ANAPC5: variants seen among roughly 807,000 people sequenced by gnomAD.
ANAPC5 encodes the protein anaphase promoting complex subunit 5.
Under a neutral mutation model 91.3 loss-of-function variants are expected in ANAPC5, and 60 were observed. The observed-to-expected ratio is 0.66, with a 90% CI of 0.53 to 0.81. The LOEUF is 0.81. ANAPC5 is among the 40% of genes least tolerant of loss of function. The probability of loss-of-function intolerance (pLI) is 0.00; values close to 1 mark genes in which losing one functional copy is unlikely to be tolerated. For synonymous variants in ANAPC5, 340 were observed against 364.1 expected, an observed-to-expected ratio of 0.93 and a Z score of 0.75; for missense variants, 690 against 931.5, an observed-to-expected ratio of 0.74 and a Z score of 3.37.
chr12:121,312,833 C>G (rs1902222198), intron 15 of ANAPC5, among the ~76,000 whole-genome samples: 2 of 148,530 alleles, frequency 1.3e-5, no homozygotes, highest in African/African-American at 5.0e-5. Flanking sequence ...TGAGCCAAGA[C>G]TGTGCCACTG....
intron 11 of ANAPC5, among the ~76,000 whole-genome samples, chr12:121,323,278 C>T (rs1902690242): frequency 6.6e-6 from 1 of 151,926 alleles, no homozygotes. Context: ...GCCATGCTTT[C>T]TGTGAATGTA....
chr12:121,312,879 C>CAA (rs368946538), intron 15 of ANAPC5, among the ~76,000 whole-genome samples: 7 of 141,068 alleles, frequency 5.0e-5, no homozygotes, highest in African/African-American at 1.8e-4. Flanking sequence ...GGCTCTGTCT[C>CAA]AAAAAAAAAA....
chr12:121,309,146 CA>C (rs35933671), intron 16 of ANAPC5, among the ~76,000 whole-genome samples: 7,215 of 36,820 alleles, frequency 0.2, 399 homozygotes, highest in African/African-American at 0.42. Flanking sequence ...GACTCCATCT[CA>C]AAAAAAAAAA....
At chr12:121,352,459 C>CCG, upstream of ANAPC5, 2 of 817,442 alleles carry the variant, frequency 2.4e-6, no homozygotes, top group Non-Finnish European at 3.8e-6. Context: ...AAACAGACAT[C>CCG]CGCGTGCTCG....
At position 121,352,332 on chromosome 12, in the gene ANAPC5, G is replaced by T. The variant is rs1555275513; in HGVS notation, c.9C>A (p.Ser3Arg). The change falls in exon 1 of 17, where the codon AGC (serine) becomes AGA (arginine). Residue 3 changes from serine to arginine, a missense_variant. Transcript: ENST00000261819. Reference protein sequence around the residue: MASVHESLYFNPM... With the variant: MARVHESLYFNPM... ...GATTGAAGTAGAGGCTCTCGTGGACGCTGGCCATGGCGGCCCGAGACTAAG... is the reference window on the plus strand; with the variant it reads ...GATTGAAGTAGAGGCTCTCGTGGACTCTGGCCATGGCGGCCCGAGACTAAG... 1.3e-6 allele frequency: 2 copies of T among 1,599,906 alleles called. No homozygotes were observed. The highest frequency in any genetic ancestry group is 2.2e-5 in the East Asian group (1 of 44,512).
At position 121,335,656 on chromosome 12, in the gene ANAPC5, T is replaced by G; in HGVS notation, c.827A>C (p.His276Pro). 1 of 1,614,006 alleles carries G rather than the reference T, an allele frequency of 6.2e-7. No homozygotes were observed. Among genetic ancestry groups the G allele is most frequent in the Admixed American group, 1.7e-5 (1 of 60,020 alleles). ...DVFSSTHSLL[H>P]YFDRLILTGA... ...GGTAAGAATCAGACGATCAAAATAA[T>G]GGAGGAGACTGTGTGTTGAACTGAA... The change falls in exon 7 of 17, where the codon CAT becomes CCT. Residue 276 changes from histidine (H) to proline (P), a missense_variant. Around this residue, in one of 5 missense-constraint regions of ANAPC5, gnomAD observed 83 missense variants for 150.8 expected, o/e 0.55. Coordinates refer to ENST00000261819, the MANE Select transcript of ANAPC5 (RefSeq NM_016237.5).
chr12:121,308,658 G>A lies in ANAPC5; in HGVS notation c.2090C>T (p.Ala697Val), dbSNP rs1222447151. 1 of 1,614,140 alleles carries A rather than the reference G, an allele frequency of 6.2e-7. No individual in the cohort carries two copies. Among genetic ancestry groups the A allele is most frequent in the South Asian group, 1.1e-5 (1 of 91,070 alleles). Residue 697 changes from alanine to valine, a missense_variant, in exon 17 of 17, where the codon GCC (alanine) becomes GTC (valine). Coordinates refer to ENST00000261819, the MANE Select transcript of ANAPC5 (RefSeq NM_016237.5). ...GTCAACCTTTGCAAAATAGTTCTTG[G>A]CTTCATTGAGGTTCTCGATGGCAGC... is the stretch of plus-strand genomic sequence containing the variant. ...LEAAIENLNE[A>V]KNYFAKVDCK...
At chr12:121,335,942 T>C (rs1903220224) in intron 6 of ANAPC5, among the ~76,000 whole-genome samples, 1 of 152,162 alleles carries the variant, frequency 6.6e-6, no homozygotes, top group Non-Finnish European at 1.5e-5. Flanking sequence ...GGAGTTCCAT[T>C]AGTATTTGTG....
chr12:121,335,421 C>T (rs1248960854), intron 7 of ANAPC5, 112 bp downstream of exon 7: 2 of 1,262,632 alleles, frequency 1.6e-6, no homozygotes, highest in Non-Finnish European at 1.1e-6. Context: ...CCGCCTTGGC[C>T]TCCCAAAGTG....
At chr12:121,311,899 G>A (rs1593571449) in intron 15 of ANAPC5, among the ~76,000 whole-genome samples, 3 of 152,044 alleles carry the variant, frequency 2.0e-5, no homozygotes, top group Admixed American at 6.6e-5. Context: ...CCTTTCAATC[G>A]CAGATAGAAA....
At chr12:121,349,553 G>A (rs1230396512) in intron 1 of ANAPC5, among the ~76,000 whole-genome samples, 1 of 150,314 alleles carries the variant, frequency 6.7e-6, no homozygotes, top group African/African-American at 2.5e-5. Flanking sequence ...GAGGGAGTGA[G>A]ATCCCACCAC....
At chr12:121,352,659 T>A (rs1371707506), upstream of ANAPC5, among the ~76,000 whole-genome samples, 1 of 123,934 alleles carries the variant, frequency 8.1e-6, no homozygotes, top group African/African-American at 2.7e-5. Context: ...ATGCTTGGGG[T>A]CGGGGCTGAA....
rs1555275488 is a variant in ANAPC5, at chr12:121,352,265, T to A, written c.76A>T (p.Ile26Phe). Reference protein sequence around the residue: ...NGVVHANVFGIKDWVTPYKIA... With the variant: ...NGVVHANVFGFKDWVTPYKIA... ...TTGTACGGCGTCACCCAGTCCTTGA[T>A]GCCGAACACATTGGCGTGCACAACC... Residue 26 changes from isoleucine to phenylalanine, a missense_variant, in exon 1 of 17, where the codon ATC becomes TTC. Ile to Phe is a conservative substitution (Grantham distance 21). Coordinates refer to ENST00000261819, the MANE Select transcript of ANAPC5 (RefSeq NM_016237.5). 4 of 1,614,002 alleles carry A rather than the reference T, an allele frequency of 2.5e-6. No individual in the cohort carries two copies. The African/African-American group carries it at 4.0e-5, about 16-fold the overall frequency.
intron 7 of ANAPC5, 43 bp downstream of exon 7, chr12:121,335,490 C>T (rs782071849): frequency 1.9e-6 from 3 of 1,539,464 alleles, no homozygotes; most frequent in East Asian, 2.3e-5. Context: ...TTATTGTCAT[C>T]GGTTCCTTCA....
At position 121,330,649 on chromosome 12, in the gene ANAPC5, C is replaced by G. The variant is rs1555272796; in HGVS notation, c.1056G>C (p.Gln352His). The G allele has an allele frequency of 1.9e-6, 3 of 1,614,032 alleles. No individual in the cohort carries two copies. The change falls in exon 9 of 17, where the codon CAG (glutamine) becomes CAC (histidine). Residue 352 changes from glutamine to histidine, a missense_variant. By Grantham distance (24) the Gln-to-His change is conservative (BLOSUM62 0). Coordinates refer to ENST00000261819, the MANE Select transcript of ANAPC5 (RefSeq NM_016237.5). ...HCLSWLYVLG[Q>H]KRSDSYVLLE... The stretch of plus-strand genomic sequence containing the variant: ...GCAGAACATAGCTATCGGATCTCTT[C>G]TGCCCCAGCACATAAAGCCAGCTCT...
chr12:121,316,748 A>AG (rs1444650548), intron 15 of ANAPC5, among the ~76,000 whole-genome samples: 1 of 150,960 alleles, frequency 6.6e-6, no homozygotes, highest in African/African-American at 2.4e-5. Flanking sequence ...AAAAAAAAAA[A>AG]AAAAAAAAAG....
chr12:121,351,645 GACGGGGTTTCACT>G (rs375646817), intron 1 of ANAPC5, among the ~76,000 whole-genome samples: 6 of 152,090 alleles, frequency 3.9e-5, no homozygotes, highest in African/African-American at 1.4e-4. Flanking sequence ...TTTTAGTAGA[GACGGGGTTTCACT>G]ACGTTGGTCA....
At chr12:121,314,016 T>C (rs1363073502) in intron 15 of ANAPC5, among the ~76,000 whole-genome samples, 1 of 152,114 alleles carries the variant, frequency 6.6e-6, no homozygotes, top group Non-Finnish European at 1.5e-5. Context: ...CCAAATCCAA[T>C]AGCACGTTAA....
chr12:121,346,158 G>A (rs1448709412), intron 3 of ANAPC5, 127 bp from the exon 4 acceptor site: 1 of 736,818 alleles, frequency 1.4e-6, no homozygotes, highest in Non-Finnish European at 2.2e-6. Flanking sequence ...AGAGACACTT[G>A]CAGTTGCCAT....
Sources: gnomAD v4.1 joint callset for allele counts (sites outside exome capture counted in the v4.1 genomes callset) on GRCh38, gnomAD v4.1.1 for gene constraint, gnomAD v4.1.1 regional missense constraint, MANE v1.5 for transcripts, NCBI Gene and HGNC (gene_info 2026-07-23, HGNC 2026-07-21) for gene names.